Variants in IL1RAPL1 observed in about 807,000 individuals in gnomAD.
IL1RAPL1 encodes interleukin-1 receptor accessory protein-like 1.
Under a neutral mutation model 48.4 loss-of-function variants are expected in IL1RAPL1, and 3 were observed. The ratio of observed to expected loss-of-function variants is 0.06; its 90% CI spans 0.03 to 0.16. IL1RAPL1 has a LOEUF of 0.16. Among genes scored for constraint, IL1RAPL1 ranks in the 10% least tolerant of loss-of-function variants. IL1RAPL1 has a pLI of 1.00. For synonymous variants in IL1RAPL1, 185 were observed against 187.7 expected, an observed-to-expected ratio of 0.99 and a Z score of 0.12; for missense variants, 349 against 530.6, an observed-to-expected ratio of 0.66 and a Z score of 3.36.
In IL1RAPL1 at chrX:28,807,469, C is replaced by T. The variant is rs765064053; in HGVS notation, c.82+18044C>T. Among the ~76,000 whole-genome samples the T allele has an allele frequency of 4.3e-3, 483 of 111,931 alleles. 4 individuals carry two copies. The highest frequency in any genetic ancestry group is 0.028 in the Middle Eastern group (6 of 216). ...TGACATATTCTGAATTAGACAAGAA[C>T]ATATGCTCAACTAAATTGATGCCTT... On this transcript the variant is annotated intron_variant, in intron 2 of 10. Coordinates refer to ENST00000378993, the MANE Select transcript of IL1RAPL1 (RefSeq NM_014271.4).
chrX:29,545,178 CCTATCTATCTATCTAT>C (rs74314245), intron 5 of IL1RAPL1, among the ~76,000 whole-genome samples: 5,587 of 91,726 alleles, frequency 0.061, 230 homozygotes, highest in African/African-American at 0.13. Context: ...GAAAACTAAT[CCTATCTATCTATCTAT>C]CTATCTATCT....
At chrX:29,506,468 T>C (rs866996194) in intron 5 of IL1RAPL1, among the ~76,000 whole-genome samples, 61 of 34,792 alleles carry the variant, frequency 1.8e-3, no homozygotes, top group Middle Eastern at 0.019. Context: ...TCCTCCTCCT[T>C]CTCATTCTTC....
At chrX:29,658,248 G>A (rs968309842) in intron 5 of IL1RAPL1, among the ~76,000 whole-genome samples, 3 of 111,360 alleles carry the variant, frequency 2.7e-5, no homozygotes, top group African/African-American at 6.5e-5. Context: ...GGGATCTGCC[G>A]TGAGTCTTGG....
chrX:28,926,303 T>G (rs1923739946), intron 2 of IL1RAPL1, among the ~76,000 whole-genome samples: 1 of 111,802 alleles, frequency 8.9e-6, no homozygotes, highest in African/African-American at 3.3e-5. Flanking sequence ...AGATCAGACT[T>G]CTAAAAACAT....
At chrX:28,647,175 T>A (rs1223034022) in intron 1 of IL1RAPL1, among the ~76,000 whole-genome samples, 2 of 112,587 alleles carry the variant, frequency 1.8e-5, no homozygotes, top group African/African-American at 6.4e-5. Context: ...AAAATCATGC[T>A]AATTTTAAAA....
chrX:28,834,707 T>G (rs998734003), intron 2 of IL1RAPL1, among the ~76,000 whole-genome samples: 2 of 111,540 alleles, frequency 1.8e-5, no homozygotes, highest in Non-Finnish European at 3.8e-5. Context: ...CTCACAACAA[T>G]TTGTAAAGTA....
chrX:29,576,189 C>G (rs924424545), intron 5 of IL1RAPL1, among the ~76,000 whole-genome samples: 10 of 111,763 alleles, frequency 8.9e-5, no homozygotes, highest in African/African-American at 3.3e-4. Flanking sequence ...AGGTCTCAAC[C>G]AAGAGAAATT....
intron 5 of IL1RAPL1, among the ~76,000 whole-genome samples, chrX:29,479,414 C>CA (rs3069570): frequency 0.017 from 738 of 42,463 alleles, 65 homozygotes; most frequent in Non-Finnish European, 0.022. Flanking sequence ...GACCCTGTCT[C>CA]AAAAAAAAAA....
chrX:29,162,396 T>G (rs1929703499), intron 2 of IL1RAPL1, among the ~76,000 whole-genome samples: 1 of 110,544 alleles, frequency 9.0e-6, no homozygotes, highest in African/African-American at 3.3e-5. Context: ...AATAAATAAA[T>G]ATCTGTTTAA....
chrX:28,898,438 T>A, intron 2 of IL1RAPL1, among the ~76,000 whole-genome samples: 1 of 111,632 alleles, frequency 9.0e-6, no homozygotes, highest in Non-Finnish European at 1.9e-5. Context: ...AATGTTTGTG[T>A]GTGGTGTGAG....
At chrX:29,173,810 CTT>C (rs1231719220) in intron 2 of IL1RAPL1, among the ~76,000 whole-genome samples, 1 of 111,966 alleles carries the variant, frequency 8.9e-6, no homozygotes, top group African/African-American at 3.2e-5. Context: ...ATGTGTGAAA[CTT>C]TGCCAAAAGA....
intron 2 of IL1RAPL1, among the ~76,000 whole-genome samples, chrX:29,157,231 A>T (rs755010729): frequency 3.0e-4 from 33 of 111,550 alleles, no homozygotes; most frequent in African/African-American, 1.0e-3. Context: ...AAGATGGGTG[A>T]TGGTGGCTGA....
At chrX:29,234,366 TC>T (rs1931254175) in intron 2 of IL1RAPL1, among the ~76,000 whole-genome samples, 1 of 111,688 alleles carries the variant, frequency 9.0e-6, no homozygotes, top group Non-Finnish European at 1.9e-5. Context: ...CTCTCTTAGC[TC>T]ATCCGTCTCC....
chrX:28,847,783 C>A (rs1447448533), intron 2 of IL1RAPL1, among the ~76,000 whole-genome samples: 3 of 111,671 alleles, frequency 2.7e-5, no homozygotes, highest in South Asian at 7.6e-4. Context: ...TCTCTAGCCA[C>A]CTGATTAAAC....
intron 2 of IL1RAPL1, among the ~76,000 whole-genome samples, chrX:28,953,913 A>G (rs1371913521): frequency 1.8e-5 from 2 of 111,340 alleles, no homozygotes; most frequent in African/African-American, 6.5e-5. Flanking sequence ...TTGGCATTAC[A>G]TTTTTTCAAG....
chrX:28,881,444 T>C (rs929395807), intron 2 of IL1RAPL1, among the ~76,000 whole-genome samples: 1 of 111,573 alleles, frequency 9.0e-6, no homozygotes, highest in Non-Finnish European at 1.9e-5. Context: ...CAGAGAATCT[T>C]GTTTGGTAGG....
At chrX:28,955,683 C>T (rs1487452138) in intron 2 of IL1RAPL1, among the ~76,000 whole-genome samples, 2 of 107,749 alleles carry the variant, frequency 1.9e-5, no homozygotes, top group African/African-American at 6.9e-5. Flanking sequence ...GTTACTGTAG[C>T]CTTGCAGTAT....
chrX:29,885,393 C>T (rs1198763800), intron 6 of IL1RAPL1, among the ~76,000 whole-genome samples: 1 of 111,960 alleles, frequency 8.9e-6, no homozygotes, highest in African/African-American at 3.2e-5. Flanking sequence ...ATCATTTGCC[C>T]ACCACATTAG....
intron 2 of IL1RAPL1, among the ~76,000 whole-genome samples, chrX:28,801,479 A>T (rs1030723348): frequency 1.8e-5 from 2 of 111,701 alleles, no homozygotes; most frequent in South Asian, 7.4e-4. Flanking sequence ...AAGATAGCTT[A>T]CAAGTGTATT....
Sources: allele counts gnomAD v4.1 joint callset (sites outside exome capture counted in the v4.1 genomes callset), GRCh38; gene constraint gnomAD v4.1.1; transcripts MANE v1.5; gene names NCBI Gene and HGNC (gene_info 2026-07-23, HGNC 2026-07-21).